Variants in RLF observed in about 807,000 individuals in gnomAD.
RLF encodes the protein zinc finger protein Rlf.
In RLF, 7 loss-of-function variants were observed where a neutral mutation model predicts 162.9. That is an observed-to-expected ratio of 0.04 (90% CI 0.02 to 0.08). RLF has a LOEUF of 0.08. RLF is among the 10% of genes least tolerant of loss of function. The pLI is 1.00. For synonymous variants in RLF, 782 were observed against 791.5 expected (o/e 0.99, Z 0.20); for missense variants, 1,664 against 2,244.7 (o/e 0.74, Z 5.23).
At chr1:40,182,400 C>A (rs1164786523) in intron 1 of RLF, among the ~76,000 whole-genome samples, 5 of 152,002 alleles carry the variant, frequency 3.3e-5, no homozygotes, top group African/African-American at 1.2e-4. Context: ...CGCCACTGCA[C>A]TCCAGCCTGG....
intron 6 of RLF, among the ~76,000 whole-genome samples, chr1:40,230,114 CAA>C (rs755590266): frequency 9.3e-5 from 10 of 107,460 alleles, no homozygotes; most frequent in Admixed American, 9.9e-5. Flanking sequence ...AGCTCCGTCT[CAA>C]AAAAAAAAAA....
chr1:40,216,454 C>T (rs557385147), intron 5 of RLF, among the ~76,000 whole-genome samples: 4 of 150,586 alleles, frequency 2.7e-5, no homozygotes, highest in Non-Finnish European at 5.9e-5. Context: ...TGCCATTGCA[C>T]TCCAGCTTGG....
chr1:40,172,478 T>G (rs1457450902), intron 1 of RLF, among the ~76,000 whole-genome samples: 1 of 152,212 alleles, frequency 6.6e-6, no homozygotes, highest in African/African-American at 2.4e-5. Context: ...TAATATAAAT[T>G]CCTGGAATTG....
chr1:40,176,606 A>G (rs1443773608), intron 1 of RLF, among the ~76,000 whole-genome samples: 1 of 152,024 alleles, frequency 6.6e-6, no homozygotes, highest in Non-Finnish European at 1.5e-5. Context: ...CACCTGGCTA[A>G]TTTTTTTGTA....
chr1:40,174,730 T>C (rs1642295597), intron 1 of RLF, among the ~76,000 whole-genome samples: 1 of 152,254 alleles, frequency 6.6e-6, no homozygotes, highest in South Asian at 2.1e-4. Flanking sequence ...ATTAATATTA[T>C]ATTCCTTCTC....
At chr1:40,220,024 A>T (rs1642971362) in intron 5 of RLF, among the ~76,000 whole-genome samples, 1 of 152,152 alleles carries the variant, frequency 6.6e-6, no homozygotes, top group Admixed American at 6.5e-5. Flanking sequence ...AGGCAGGCAG[A>T]TCATGAGGTC....
rs34957684 is a variant in RLF at position 40,203,109 on chromosome 1, C to CTT, written c.810+517_810+518dup. ...ATATCATGGAAAATAAGGGTTGAGTCTTTTTTTTTTTTTTTTTTTTTTTGA... is the reference window on the plus strand; with the variant it reads ...ATATCATGGAAAATAAGGGTTGAGTCTTTTTTTTTTTTTTTTTTTTTTTTTGA... On this transcript the variant is annotated intron_variant, in intron 5 of 7. Coordinates refer to ENST00000372771, the MANE Select transcript of RLF (RefSeq NM_012421.4). Among the ~76,000 whole-genome samples the CTT allele has an allele frequency of 9.0e-3, 897 of 99,356 alleles. 4 individuals are homozygous for CTT. The highest frequency in any genetic ancestry group is 0.011 in the African/African-American group (288 of 25,204). 65.2% of individuals were successfully genotyped at this position (99,356 alleles called of 152,430 possible).
At position 40,206,932 on chromosome 1, in the gene RLF, A is replaced by T. The variant is rs1175553008; in HGVS notation, c.810+4318A>T. ...AGAGGCCTTCCTCGCTGTCTCATCTAAAATATTACCCTAGCCCCCTACTCT... is the reference window on the plus strand; with the variant it reads ...AGAGGCCTTCCTCGCTGTCTCATCTTAAATATTACCCTAGCCCCCTACTCT... On this transcript the variant is annotated intron_variant, in intron 5 of 7. Coordinates refer to ENST00000372771, the MANE Select transcript of RLF (RefSeq NM_012421.4). Among the ~76,000 whole-genome samples, 6 of 152,302 alleles carry T rather than the reference A, an allele frequency of 3.9e-5. No individual in the cohort carries two copies. In the East Asian group the frequency reaches 1.2e-3, roughly 29 times the overall value.
At chr1:40,183,852 G>C (rs1372670606) in intron 1 of RLF, among the ~76,000 whole-genome samples, 1 of 152,100 alleles carries the variant, frequency 6.6e-6, no homozygotes, top group Non-Finnish European at 1.5e-5. Flanking sequence ...AAGTTTAGTG[G>C]CCGTAAAGCT....
intron 7 of RLF, among the ~76,000 whole-genome samples, chr1:40,233,907 C>G (rs964464231): frequency 6.6e-6 from 1 of 152,192 alleles, no homozygotes; most frequent in Non-Finnish European, 1.5e-5. Context: ...TCACTCACTC[C>G]CTTTTCACCT....
chr1:40,224,635 T>C (rs1258210731), intron 6 of RLF, among the ~76,000 whole-genome samples: 1 of 107,728 alleles, frequency 9.3e-6, no homozygotes, highest in African/African-American at 4.7e-5. Context: ...TTTTTTTTTT[T>C]TTTTTTTTTT....
intron 5 of RLF, among the ~76,000 whole-genome samples, chr1:40,203,105 G>T (rs1642740415): frequency 7.1e-6 from 1 of 141,010 alleles, no homozygotes; most frequent in African/African-American, 2.7e-5. Context: ...AATAAGGGTT[G>T]AGTCTTTTTT....
chr1:40,202,562 C>T lies in RLF; in HGVS notation c.758C>T (p.Ala253Val). The T allele has an allele frequency of 6.4e-7, 1 of 1,563,204 alleles. No individual in the cohort carries two copies. Among genetic ancestry groups the T allele is most frequent in the Non-Finnish European group, 8.6e-7 (1 of 1,165,178 alleles). ...TCAAATGTGTCATCTTTTCAGCAAG[C>T]CTATATCACATGTTTATGTTCTATG... ...EISNVSSFQQAYITCLCSMLP... is the reference protein window; with the variant it reads ...EISNVSSFQQVYITCLCSMLP... The change falls in exon 5 of 8, where the codon GCC becomes GTC. Residue 253 changes from alanine (A) to valine (V), a missense_variant. Physicochemically the swap from Ala to Val is moderately conservative, Grantham distance 64. This residue lies in a region of RLF where 287 missense variants were observed against 404.9 expected (regional missense o/e 0.71). Coordinates refer to ENST00000372771, the MANE Select transcript of RLF (RefSeq NM_012421.4).
chr1:40,204,395 C>T (rs900011409), intron 5 of RLF, among the ~76,000 whole-genome samples: 40 of 151,890 alleles, frequency 2.6e-4, no homozygotes, highest in African/African-American at 8.5e-4. Flanking sequence ...TATGTGTTTA[C>T]CTGCACTCAT....
chr1:40,223,716 C>G (rs1643025466), intron 6 of RLF, among the ~76,000 whole-genome samples: 1 of 152,204 alleles, frequency 6.6e-6, no homozygotes, highest in Non-Finnish European at 1.5e-5. Context: ...GTACTGTAAT[C>G]TCACCCAGTC....
At position 40,239,463 on chromosome 1, in the gene RLF, T is replaced by C. The variant is rs1453590575; in HGVS notation, c.4761T>C (p.Asn1587=). 1.2e-6 allele frequency: 2 copies of C among 1,613,988 alleles called. No homozygotes were observed. Among genetic ancestry groups the C allele is most frequent in the Non-Finnish European group, 8.5e-7 (1 of 1,180,028 alleles). ...CCTATTTAGAGCAACAGATGGAGAATCTTGTTGTTTGCGTTAAGTACGGTA... is the reference window on the plus strand; with the variant it reads ...CCTATTTAGAGCAACAGATGGAGAACCTTGTTGTTTGCGTTAAGTACGGTA... The part of the protein sequence containing the change: ...SSAYLEQQME[N]LVVCVKYGTK... Residue 1587 remains asparagine (N), a synonymous_variant, in exon 8 of 8, where the codon AAT becomes AAC. Coordinates refer to ENST00000372771, the MANE Select transcript of RLF (RefSeq NM_012421.4).
chr1:40,235,400 CTG>C (rs1643204670), intron 7 of RLF, among the ~76,000 whole-genome samples: 1 of 152,154 alleles, frequency 6.6e-6, no homozygotes, highest in African/African-American at 2.4e-5. Context: ...ACATCTATAC[CTG>C]TGTTTCCTGT....
intron 2 of RLF, 82 bp downstream of exon 2, chr1:40,189,291 C>T: frequency 1.8e-6 from 2 of 1,133,280 alleles, no homozygotes; most frequent in Non-Finnish European, 2.6e-6. Context: ...ACAGTGGCAT[C>T]ACATTTATTC....
intron 6 of RLF, among the ~76,000 whole-genome samples, chr1:40,224,623 C>CTTTTTTTTTTTTTTTTTTTTTTTTTTT (rs1168908018): frequency 1.8e-4 from 6 of 33,264 alleles, no homozygotes; most frequent in East Asian, 1.4e-3. Context: ...TTTTTGAAAG[C>CTTTTTTTTTTTTTTTTTTTTTTTTTTT]TTTTTTTTTT....
Sources: gnomAD v4.1 joint callset for allele counts (sites outside exome capture counted in the v4.1 genomes callset) on GRCh38, gnomAD v4.1.1 for gene constraint, gnomAD v4.1.1 regional missense constraint, MANE v1.5 for transcripts, NCBI Gene and HGNC (gene_info 2026-07-23, HGNC 2026-07-21) for gene names.